PDE7B: variants seen among roughly 807,000 people sequenced by gnomAD.
The protein encoded by PDE7B is 3',5'-cyclic-AMP phosphodiesterase 7B.
Under a neutral mutation model 56.2 loss-of-function variants are expected in PDE7B, and 29 were observed. The ratio of observed to expected loss-of-function variants is 0.52; its 90% confidence interval spans 0.38 to 0.70. The LOEUF (loss-of-function observed/expected upper bound fraction) is 0.70, where lower values mean the gene tolerates loss of function less well. PDE7B is among the 30% of genes least tolerant of loss of function. The probability of loss-of-function intolerance (pLI) is 0.00; values close to 1 mark genes in which losing one functional copy is unlikely to be tolerated. For synonymous variants in PDE7B, 197 were observed against 196.9 expected, an observed-to-expected ratio of 1.00 and a Z score of 0.00; for missense variants, 490 against 565.0, an observed-to-expected ratio of 0.87 and a Z score of 1.35.
At chr6:135,888,789 T>C (rs1048010704) in intron 1 of PDE7B, among the ~76,000 whole-genome samples, 2 of 152,138 alleles carry the variant, frequency 1.3e-5, no homozygotes, top group Admixed American at 6.5e-5. Context: ...TTTGGTTTTC[T>C]GTGTTTATAA....
chr6:136,161,648 C>G (rs1020609558), intron 8 of PDE7B, among the ~76,000 whole-genome samples: 4 of 152,084 alleles, frequency 2.6e-5, no homozygotes, highest in African/African-American at 9.7e-5. Context: ...TTGGATTTTA[C>G]CTAAGTCTAA....
intron 2 of PDE7B, among the ~76,000 whole-genome samples, chr6:136,106,659 G>GAATTTTCT (rs1777649028): frequency 6.6e-6 from 1 of 152,158 alleles, no homozygotes; most frequent in African/African-American, 2.4e-5. Context: ...AAAGTAAAGA[G>GAATTTTCT]AATAAAGGTG....
chr6:135,959,894 C>T (rs1158947817), intron 2 of PDE7B, among the ~76,000 whole-genome samples: 2 of 152,244 alleles, frequency 1.3e-5, no homozygotes, highest in South Asian at 2.1e-4. Flanking sequence ...TCACCTGACC[C>T]TCTCAAGTAC....
chr6:136,009,333 C>G (rs1320726106), intron 2 of PDE7B, among the ~76,000 whole-genome samples: 1 of 152,006 alleles, frequency 6.6e-6, no homozygotes, highest in East Asian at 1.9e-4. Flanking sequence ...TTTTTGGTTC[C>G]ATATGAACTT....
chr6:135,880,082 CT>C, intron 1 of PDE7B, among the ~76,000 whole-genome samples: 1 of 152,278 alleles, frequency 6.6e-6, no homozygotes, highest in South Asian at 2.1e-4. Flanking sequence ...AAAAATCACT[CT>C]TGTTTTCATA....
intron 1 of PDE7B, among the ~76,000 whole-genome samples, chr6:135,901,990 C>G (rs951935044): frequency 6.6e-6 from 1 of 152,076 alleles, no homozygotes; most frequent in Non-Finnish European, 1.5e-5. Flanking sequence ...TCTGGTTGAA[C>G]GATATCATCT....
intron 2 of PDE7B, among the ~76,000 whole-genome samples, chr6:136,056,160 T>C (rs1462716275): frequency 6.6e-6 from 1 of 151,864 alleles, no homozygotes; most frequent in Non-Finnish European, 1.5e-5. Context: ...TTCTTAGAGG[T>C]GAGCTGCTCC....
chr6:135,925,299 T>A (rs1259253385), intron 1 of PDE7B, among the ~76,000 whole-genome samples: 1 of 152,158 alleles, frequency 6.6e-6, no homozygotes, highest in Non-Finnish European at 1.5e-5. Flanking sequence ...CATTATAAGA[T>A]GTTCAACTTG....
At chr6:136,110,498 C>T (rs982328128) in intron 3 of PDE7B, among the ~76,000 whole-genome samples, 1 of 152,146 alleles carries the variant, frequency 6.6e-6, no homozygotes, top group Non-Finnish European at 1.5e-5. Flanking sequence ...CGAAAGGCCT[C>T]TTTTCAATAG....
intron 2 of PDE7B, among the ~76,000 whole-genome samples, chr6:135,994,433 A>T (rs1775529428): frequency 6.6e-6 from 1 of 152,226 alleles, no homozygotes; most frequent in Non-Finnish European, 1.5e-5. Flanking sequence ...CCAAAGATAC[A>T]TTTGACTCCA....
intron 1 of PDE7B, among the ~76,000 whole-genome samples, chr6:135,935,190 T>TTATATATATATA (rs60829896): frequency 0.015 from 541 of 36,176 alleles, 42 homozygotes; most frequent in South Asian, 0.027. Context: ...ATATATTTAT[T>TTATATATATATA]TATATATATA....
chr6:136,057,342 T>C (rs1309240483), intron 2 of PDE7B, among the ~76,000 whole-genome samples: 1 of 152,246 alleles, frequency 6.6e-6, no homozygotes, highest in Non-Finnish European at 1.5e-5. Flanking sequence ...GACTTTTGGC[T>C]TAATTATATT....
At chr6:136,037,445 G>C (rs1422254188) in intron 2 of PDE7B, 1 of 985,290 alleles carries the variant, frequency 1.0e-6, no homozygotes, top group Non-Finnish European at 1.2e-6. Context: ...ATGACACAAG[G>C]GGGAGGGATG....
chr6:136,061,154 A>G (rs1170746213), intron 2 of PDE7B, among the ~76,000 whole-genome samples: 2 of 152,078 alleles, frequency 1.3e-5, no homozygotes, highest in Admixed American at 1.3e-4. Context: ...ATTAGTGTCA[A>G]TGGCATTGTT....
rs750469290 is a variant in PDE7B at position 135,990,644 on chromosome 6, T to C, written c.82+43120T>C. Among the ~76,000 whole-genome samples the C allele has an allele frequency of 7.9e-5, 12 of 152,202 alleles. 1 individual carries two copies. Among genetic ancestry groups the C allele is most frequent in the Admixed American group, 1.3e-4 (2 of 15,290 alleles). Reference sequence around the variant, plus strand: ...GAGATATATTGTGCAACATGGTGACTATGGTTAATGACGACATATGGTATG... The same window carrying C: ...GAGATATATTGTGCAACATGGTGACCATGGTTAATGACGACATATGGTATG... On this transcript the variant is annotated intron_variant, in intron 2 of 12. Transcript: ENST00000308191.
chr6:135,906,825 T>TTGTTTTTTTTTTTTG (rs1562434125), intron 1 of PDE7B, among the ~76,000 whole-genome samples: 2 of 145,782 alleles, frequency 1.4e-5, no homozygotes, highest in African/African-American at 5.2e-5. Flanking sequence ...TTTTTTTTTT[T>TTGTTTTTTTTTTTTG]TTTTTTTTTT....
intron 1 of PDE7B, among the ~76,000 whole-genome samples, chr6:135,927,102 A>G (rs1364078114): frequency 1.3e-5 from 2 of 152,214 alleles, no homozygotes; most frequent in Non-Finnish European, 2.9e-5. Flanking sequence ...CTTCACAAAC[A>G]ATACATTTTG....
chr6:136,166,582 T>C (rs1268335196), intron 8 of PDE7B, among the ~76,000 whole-genome samples: 1 of 151,922 alleles, frequency 6.6e-6, no homozygotes, highest in Non-Finnish European at 1.5e-5. Context: ...GAGGGCAAGG[T>C]GCTACACACT....
intron 2 of PDE7B, among the ~76,000 whole-genome samples, chr6:136,105,066 T>G (rs1777626304): frequency 6.6e-6 from 1 of 152,230 alleles, no homozygotes; most frequent in African/African-American, 2.4e-5. Context: ...CTAATTTCAG[T>G]TCTGCTGAAG....
Sources: gnomAD v4.1 joint callset for allele counts (sites outside exome capture counted in the v4.1 genomes callset) on GRCh38, gnomAD v4.1.1 for gene constraint, MANE v1.5 for transcripts, NCBI Gene and HGNC (gene_info 2026-07-23, HGNC 2026-07-21) for gene names.